The following CAP1 variants were observed in gnomAD, a reference collection of about 807,000 sequenced individuals.
CAP1 encodes the protein cyclase associated actin cytoskeleton regulatory protein 1.
A neutral mutation model predicts 58.2 loss-of-function variants in CAP1; 11 were observed. That is an observed-to-expected ratio of 0.19 (90% CI 0.12 to 0.31). CAP1 has a LOEUF of 0.31. Ranked by LOEUF, CAP1 falls within the 10% of genes least tolerant of loss-of-function variation. The pLI is 1.00. For missense variants in CAP1, 423 were observed against 587.5 expected (o/e 0.72, Z 2.89); for synonymous variants, 183 against 213.8 (o/e 0.86, Z 1.26).
chr1:40,042,898 A>G (rs1645904201), intron 1 of CAP1, among the ~76,000 whole-genome samples: 2 of 152,094 alleles, frequency 1.3e-5, no homozygotes, highest in African/African-American at 4.8e-5. Context: ...GAATAGCGCG[A>G]TTGCCTGGCT....
Position 40,071,963 on chromosome 1 carries a change from G to C in CAP1, c.*430G>C. 1 of 409,058 alleles carries C rather than the reference G, an allele frequency of 2.4e-6. No homozygotes were observed. The highest frequency in any genetic ancestry group is 4.3e-6 in the Non-Finnish European group (1 of 230,998). The allele number at this position is 409,058 out of a possible 1,614,324, so 25.3% of individuals were successfully genotyped here. A position where few individuals can be genotyped will look rare whatever the true frequency, so the allele number is the denominator to read the frequency against. On this transcript the variant is annotated 3_prime_UTR_variant, in exon 13 of 13. Coordinates refer to ENST00000372805, the MANE Select transcript of CAP1 (RefSeq NM_006367.4). ...GGTAGCAGAAGCTGGTGTGTTTCCA[G>C]ATGGTTCTTCTAACCAAACTAATTT...
In CAP1 at chr1:40,064,508, A is replaced by G. The variant is rs1646992207; in HGVS notation, c.473A>G (p.Asn158Ser). 1 of 1,614,004 alleles carries G rather than the reference A, an allele frequency of 6.2e-7. No individual in the cohort carries two copies. ...PKPGPYVKEMNDAAMFYTNRV... is the reference protein window; with the variant it reads ...PKPGPYVKEMSDAAMFYTNRV... Reference sequence around the variant, plus strand: ...CCTGGCCCTTATGTGAAAGAAATGAATGATGCCGCCATGTTTTATACAAAC... The same window carrying G: ...CCTGGCCCTTATGTGAAAGAAATGAGTGATGCCGCCATGTTTTATACAAAC... Residue 158 changes from asparagine (N) to serine (S), a missense_variant, in exon 6 of 13, where the codon AAT becomes AGT. Asn to Ser is a conservative substitution (Grantham distance 46). Coordinates refer to ENST00000372805, the MANE Select transcript of CAP1 (RefSeq NM_006367.4).
chr1:40,043,951 A>G (rs1645963217), intron 1 of CAP1, among the ~76,000 whole-genome samples: 1 of 152,206 alleles, frequency 6.6e-6, no homozygotes, highest in African/African-American at 2.4e-5. Context: ...CATAATTGAT[A>G]TCTCAGAGAA....
At chr1:40,057,898 T>C (rs1394913055) in intron 1 of CAP1, among the ~76,000 whole-genome samples, 1 of 152,232 alleles carries the variant, frequency 6.6e-6, no homozygotes, top group Non-Finnish European at 1.5e-5. Flanking sequence ...TCAAATACTT[T>C]ATGTAGAGGT....
At position 40,061,774 on chromosome 1, in the gene CAP1, C is replaced by G; in HGVS notation, c.256C>G (p.Leu86Val). Residue 86 changes from leucine to valine, a missense_variant, in exon 4 of 13, where the codon CTG becomes GTG. Transcript: ENST00000372805. ...VHTGLKLERA[L>V]LVTASQCQQP... Reference sequence around the variant, plus strand: ...CACAGGTTTGAAGTTGGAGCGAGCTCTGTTGGTTACAGCTTCTCAGTGTCA... The same window carrying G: ...CACAGGTTTGAAGTTGGAGCGAGCTGTGTTGGTTACAGCTTCTCAGTGTCA... 1 of 1,614,182 alleles carries G rather than the reference C, an allele frequency of 6.2e-7. No homozygotes were observed. Among genetic ancestry groups the G allele is most frequent in the Non-Finnish European group, 8.5e-7 (1 of 1,180,000 alleles).
upstream of CAP1, chr1:40,040,404 C>A (rs1404829242): frequency 1.3e-5 from 2 of 152,358 alleles, no homozygotes; most frequent in African/African-American, 4.8e-5. Context: ...TCTGTTCTTT[C>A]CAGAGAGGAG....
At position 40,064,497 on chromosome 1, in the gene CAP1, G is replaced by A. The variant is rs1483800314; in HGVS notation, c.462G>A (p.Val154=). The A allele has an allele frequency of 1.2e-6, 2 of 1,613,898 alleles. No individual in the cohort carries two copies. Among genetic ancestry groups the A allele is most frequent in the African/African-American group, 2.7e-5 (2 of 74,898 alleles). The change falls in exon 6 of 13, where the codon GTG becomes GTA. Residue 154 remains valine (V), a synonymous_variant. Transcript: ENST00000372805. ...AGGCTCCCAAGCCTGGCCCTTATGTGAAAGAAATGAATGATGCCGCCATGT... is the reference window on the plus strand; with the variant it reads ...AGGCTCCCAAGCCTGGCCCTTATGTAAAAGAAATGAATGATGCCGCCATGT... ...VAMAPKPGPY[V]KEMNDAAMFY...
intron 1 of CAP1, among the ~76,000 whole-genome samples, chr1:40,050,846 T>G (rs543485197): frequency 2.4e-4 from 36 of 152,292 alleles, no homozygotes; most frequent in African/African-American, 8.2e-4. Context: ...CTCAAAACCC[T>G]TGAATGGCTT....
At chr1:40,043,280 C>T (rs1015197654) in intron 1 of CAP1, among the ~76,000 whole-genome samples, 2 of 152,100 alleles carry the variant, frequency 1.3e-5, no homozygotes, top group Non-Finnish European at 2.9e-5. Flanking sequence ...TCACTGAAAC[C>T]TCCACCTCCC....
At chr1:40,057,364 A>G (rs1646660347) in intron 1 of CAP1, 2 of 152,250 alleles carry the variant, frequency 1.3e-5, no homozygotes, top group Non-Finnish European at 2.9e-5. Context: ...GGAACAGGGC[A>G]GGAATTCAGA....
intron 1 of CAP1, among the ~76,000 whole-genome samples, chr1:40,056,645 G>A (rs1358826125): frequency 6.6e-6 from 1 of 152,054 alleles, no homozygotes; most frequent in Non-Finnish European, 1.5e-5. Context: ...AGATGGATAT[G>A]CTGCTCTGGT....
In CAP1 at chr1:40,072,266, A is replaced by AC. The variant is rs1244719463; in HGVS notation, c.*733_*734insC. 205 of 302,890 alleles carry AC rather than the reference A, an allele frequency of 6.8e-4. 1 individual carries two copies. The highest frequency in any genetic ancestry group is 5.0e-3 in the African/African-American group (166 of 32,926). 18.8% of individuals were successfully genotyped at this position (302,890 alleles called of 1,614,324 possible). ...GACTTTAAAAGGAAAAAAAAAAAAA[A>AC]AAAAACCCACATGATTTCAAGGAGT... On this transcript the variant is annotated 3_prime_UTR_variant, in exon 13 of 13. Coordinates refer to ENST00000372805, the MANE Select transcript of CAP1 (RefSeq NM_006367.4).
chr1:40,069,304 G>T (rs1238456896), intron 8 of CAP1, among the ~76,000 whole-genome samples: 4 of 151,824 alleles, frequency 2.6e-5, no homozygotes, highest in African/African-American at 9.7e-5. Context: ...GGGAAGTAGG[G>T]TTAGCTGTGG....
chr1:40,043,985 A>G (rs1009720543), intron 1 of CAP1, among the ~76,000 whole-genome samples: 1 of 152,236 alleles, frequency 6.6e-6, no homozygotes, highest in African/African-American at 2.4e-5. Context: ...GGTAGCAGCA[A>G]AAGTACTTTG....
At chr1:40,071,058 A>G (rs1647862279) in intron 12 of CAP1, 79 bp downstream of exon 12, 13 of 1,362,828 alleles carry the variant, frequency 9.5e-6, no homozygotes, top group Admixed American at 2.0e-5. Context: ...AAGCTATTTT[A>G]TGAACATTCT....
At position 40,069,872 on chromosome 1, in the gene CAP1, G is replaced by C. The variant is rs1315841040; in HGVS notation, c.991G>C (p.Val331Leu). 3.2e-6 allele frequency: 5 copies of C among 1,552,200 alleles called. No individual in the cohort carries two copies. In the South Asian group the frequency reaches 6.1e-5, roughly 19 times the overall value. ...TGAACTGGAGGGCAAGAAGTGGAGA[G>C]TGGTGAGTTAAAAATACCTAGACAG... is the stretch of plus-strand genomic sequence containing the variant. Reference protein sequence around the residue: ...VLELEGKKWRVENQENVSNLV... With the variant: ...VLELEGKKWRLENQENVSNLV... Residue 331 changes from valine (V) to leucine (L), a missense_variant and splice_region_variant, in exon 9 of 13, where the codon GTG (valine) becomes CTG (leucine). By Grantham distance (32) the Val-to-Leu change is conservative. Coordinates refer to ENST00000372805, the MANE Select transcript of CAP1 (RefSeq NM_006367.4).
chr1:40,047,112 T>C (rs1215924032), intron 1 of CAP1, among the ~76,000 whole-genome samples: 4 of 106,830 alleles, frequency 3.7e-5, no homozygotes, highest in Non-Finnish European at 5.3e-5. Context: ...TATAATCTTA[T>C]GGGATTTTGT....
chr1:40,071,345 G>A (rs1647977983), intron 12 of CAP1, 105 bp from the exon 13 acceptor site: 1 of 762,878 alleles, frequency 1.3e-6, no homozygotes, highest in South Asian at 1.6e-5. Flanking sequence ...ATTGTACCGT[G>A]CTCCTGGGGT....
intron 8 of CAP1, among the ~76,000 whole-genome samples, chr1:40,069,364 C>T (rs551355251): frequency 6.6e-6 from 1 of 151,720 alleles, no homozygotes; most frequent in South Asian, 2.1e-4. Flanking sequence ...TCTTTACTAC[C>T]ACTCATTTTT....
Sources: allele counts gnomAD v4.1 joint callset (sites outside exome capture counted in the v4.1 genomes callset), GRCh38; gene constraint gnomAD v4.1.1; transcripts MANE v1.5; gene names NCBI Gene and HGNC (gene_info 2026-07-23, HGNC 2026-07-21).